The following KCNB2 variants were observed in gnomAD, a reference collection of about 807,000 sequenced individuals.
KCNB2 encodes the protein delayed rectifier potassium channel protein.
A neutral mutation model predicts 61.5 loss-of-function variants in KCNB2; 15 were observed. That is an observed-to-expected ratio of 0.24 (90% CI 0.16 to 0.38). KCNB2 has a LOEUF of 0.38. Among genes scored for constraint, KCNB2 ranks in the 10% least tolerant of loss-of-function variants. The pLI is 1.00. For synonymous variants in KCNB2, 457 were observed against 446.0 expected (o/e 1.02, Z -0.31); for missense variants, 828 against 1,125.2 (o/e 0.74, Z 3.78).
At chr8:72,588,777 T>C (rs188629615) in intron 2 of KCNB2, among the ~76,000 whole-genome samples, 5 of 152,100 alleles carry the variant, frequency 3.3e-5, no homozygotes, top group African/African-American at 4.8e-5. Context: ...CAGGCTGTAG[T>C]CCTAGCTACT....
chr8:72,645,497 A>G (rs1806115707), intron 2 of KCNB2, among the ~76,000 whole-genome samples: 2 of 152,216 alleles, frequency 1.3e-5, no homozygotes, highest in African/African-American at 4.8e-5. Context: ...CTGTACTGCT[A>G]AAGGCAGACC....
intron 1 of KCNB2, among the ~76,000 whole-genome samples, chr8:72,563,062 T>A (rs1349124608): frequency 6.6e-6 from 1 of 152,192 alleles, no homozygotes; most frequent in Non-Finnish European, 1.5e-5. Flanking sequence ...TGAAGGTAGT[T>A]TGTTTCAAGC....
rs877519 is a variant in KCNB2 at position 72,797,730 on chromosome 8, T to C, written c.580-138205T>C. ...CCACATCGCTTACAGGGACATGGCC[T>C]GAACTAGATTATGATTATGCCCACT... On this transcript the variant is annotated intron_variant, in intron 2 of 2. Coordinates refer to ENST00000523207, the MANE Select transcript of KCNB2 (RefSeq NM_004770.3). 3.1e-3 allele frequency among the ~76,000 whole-genome samples: 465 copies of C among 152,296 alleles called. 5 individuals carry two copies. The South Asian group carries it at 0.048, about 16-fold the overall frequency.
At chr8:72,897,080 T>C (rs1199950090) in intron 2 of KCNB2, among the ~76,000 whole-genome samples, 1 of 152,108 alleles carries the variant, frequency 6.6e-6, no homozygotes. Context: ...TGGAACTTTT[T>C]TTATTCCATC....
At chr8:72,836,560 G>A (rs1282658178) in intron 2 of KCNB2, among the ~76,000 whole-genome samples, 1 of 152,096 alleles carries the variant, frequency 6.6e-6, no homozygotes, top group Non-Finnish European at 1.5e-5. Flanking sequence ...AGAGTAGAAG[G>A]TTGCTCCATA....
At chr8:72,786,157 A>G (rs1029621006) in intron 2 of KCNB2, among the ~76,000 whole-genome samples, 1 of 152,210 alleles carries the variant, frequency 6.6e-6, no homozygotes, top group Non-Finnish European at 1.5e-5. Flanking sequence ...TTTCATGTCA[A>G]ATCCTACAAG....
rs565506245 is a variant in KCNB2 at position 72,717,291 on chromosome 8, T to C, written c.579+148978T>C. On this transcript the variant is annotated intron_variant, in intron 2 of 2. Transcript: ENST00000523207. ...CACATCAAGCTACCAATGACTTTCT[T>C]CACAGAATTGGAAAAAACTACTTTA... Among the ~76,000 whole-genome samples the C allele has an allele frequency of 3.6e-4, 55 of 152,302 alleles. 1 individual carries two copies. In the East Asian group the frequency reaches 0.011, roughly 29 times the overall value.
chr8:72,731,053 G>A (rs1046775308), intron 2 of KCNB2, among the ~76,000 whole-genome samples: 1 of 152,200 alleles, frequency 6.6e-6, no homozygotes, highest in Non-Finnish European at 1.5e-5. Flanking sequence ...ATTGCTGGAT[G>A]TGAGATGTGG....
chr8:72,708,279 T>A (rs546125937), intron 2 of KCNB2, among the ~76,000 whole-genome samples: 1 of 150,298 alleles, frequency 6.7e-6, no homozygotes, highest in Non-Finnish European at 1.5e-5. Context: ...TGGCTTCTTA[T>A]GAGAATTTGT....
intron 2 of KCNB2, among the ~76,000 whole-genome samples, chr8:72,918,277 G>C (rs1806440178): frequency 6.6e-6 from 1 of 152,186 alleles, no homozygotes; most frequent in South Asian, 2.1e-4. Context: ...TCATCTGTCT[G>C]TGCTTTGTTC....
intron 2 of KCNB2, among the ~76,000 whole-genome samples, chr8:72,799,870 G>A (rs1383081387): frequency 1.3e-5 from 2 of 152,104 alleles, no homozygotes; most frequent in Admixed American, 6.6e-5. Context: ...AGCCCTGAAG[G>A]ATAAGAGATT....
Position 72,567,677 on chromosome 8 carries a change from T to C in KCNB2, c.-58T>C. On this transcript the variant is annotated 5_prime_UTR_variant, in exon 2 of 3. Transcript: ENST00000523207. ...GGAAATGCCTGCCCCAGAGGGATATTGCTTCAGTTGACCTCATTTTTTAAG... is the reference window on the plus strand; with the variant it reads ...GGAAATGCCTGCCCCAGAGGGATATCGCTTCAGTTGACCTCATTTTTTAAG... 1 of 1,178,152 alleles carries C rather than the reference T, an allele frequency of 8.5e-7. No homozygotes were observed. The highest frequency in any genetic ancestry group is 2.4e-5 in the Admixed American group (1 of 42,552). 73.0% of individuals were successfully genotyped at this position (1,178,152 alleles called of 1,614,324 possible). A position where few individuals can be genotyped will look rare whatever the true frequency, so the allele number is the denominator to read the frequency against.
At chr8:72,891,127 G>T (rs568940766) in intron 2 of KCNB2, among the ~76,000 whole-genome samples, 1 of 152,266 alleles carries the variant, frequency 6.6e-6, no homozygotes, top group South Asian at 2.1e-4. Flanking sequence ...TTCTGAAAAC[G>T]ATTGAGATGG....
chr8:72,561,763 A>ATATATT (rs1806532525), intron 1 of KCNB2, among the ~76,000 whole-genome samples: 1 of 6,190 alleles, frequency 1.6e-4, no homozygotes, highest in Non-Finnish European at 3.0e-4. Context: ...ATATATATGG[A>ATATATT]TATATATATA....
intron 2 of KCNB2, among the ~76,000 whole-genome samples, chr8:72,830,372 G>T (rs1277326601): frequency 1.3e-5 from 2 of 151,858 alleles, no homozygotes; most frequent in African/African-American, 4.8e-5. Flanking sequence ...GCTCAACCAA[G>T]ATGGACCCAT....
chr8:72,554,665 T>G (rs923799410), intron 1 of KCNB2, among the ~76,000 whole-genome samples: 1 of 152,116 alleles, frequency 6.6e-6, no homozygotes, highest in Non-Finnish European at 1.5e-5. Context: ...TTTCACCTAG[T>G]TAGAGTGGAC....
intron 2 of KCNB2, among the ~76,000 whole-genome samples, chr8:72,748,320 A>G (rs1339069200): frequency 6.6e-6 from 1 of 152,142 alleles, no homozygotes; most frequent in African/African-American, 2.4e-5. Context: ...AGATGATTTT[A>G]TGTCATTCAG....
intron 2 of KCNB2, among the ~76,000 whole-genome samples, chr8:72,841,516 C>A (rs545207206): frequency 9.2e-5 from 14 of 151,754 alleles, no homozygotes; most frequent in African/African-American, 3.1e-4. Context: ...CTATAAATTA[C>A]TTCAGGCAGT....
chr8:72,624,194 T>C lies in KCNB2; in HGVS notation c.579+55881T>C, dbSNP rs552938026. The stretch of plus-strand genomic sequence containing the variant: ...TACAAATATATGCTAAGTTCTTAAA[T>C]ATCTTCATTCTGCCTCATGCATGCT... On this transcript the variant is annotated intron_variant, in intron 2 of 2. Coordinates refer to ENST00000523207, the MANE Select transcript of KCNB2 (RefSeq NM_004770.3). Among the ~76,000 whole-genome samples the C allele has an allele frequency of 6.6e-5, 10 of 152,364 alleles. No homozygotes were observed. The South Asian group carries it at 1.7e-3, about 25-fold the overall frequency.
Sources: gnomAD v4.1 joint callset for allele counts (sites outside exome capture counted in the v4.1 genomes callset) on GRCh38, gnomAD v4.1.1 for gene constraint, MANE v1.5 for transcripts, NCBI Gene and HGNC (gene_info 2026-07-23, HGNC 2026-07-21) for gene names.